CAMTA1: variants seen among roughly 807,000 people sequenced by gnomAD.
CAMTA1 encodes the protein calmodulin-binding transcription activator 1.
CAMTA1 carries 27 observed loss-of-function variants against 170.9 expected under a neutral mutation model. That is an observed-to-expected ratio of 0.16 (90% CI 0.12 to 0.22). The LOEUF (loss-of-function observed/expected upper bound fraction) is 0.22, where lower values mean the gene tolerates loss of function less well. CAMTA1 is among the 10% of genes least tolerant of loss of function. The pLI is 1.00. For synonymous variants in CAMTA1, 833 were observed against 891.5 expected, an observed-to-expected ratio of 0.93 and a Z score of 1.17; for missense variants, 1,619 against 2,217.2, an observed-to-expected ratio of 0.73 and a Z score of 5.42.
At chr1:7,227,461 G>A (rs1661921306) in intron 4 of CAMTA1, among the ~76,000 whole-genome samples, 1 of 152,128 alleles carries the variant, frequency 6.6e-6, no homozygotes, top group Non-Finnish European at 1.5e-5. Context: ...CTGAGTAGCT[G>A]GGATTACAGG....
At chr1:7,507,368 C>T (rs1049726759) in intron 6 of CAMTA1, among the ~76,000 whole-genome samples, 1 of 152,174 alleles carries the variant, frequency 6.6e-6, no homozygotes, top group African/African-American at 2.4e-5. Flanking sequence ...CGTCTCTGCA[C>T]AGGTGCCTGC....
intron 3 of CAMTA1, among the ~76,000 whole-genome samples, chr1:7,004,578 T>C (rs1331242412): frequency 6.6e-6 from 1 of 152,170 alleles, no homozygotes; most frequent in Non-Finnish European, 1.5e-5. Flanking sequence ...CAAAAAAGTC[T>C]ACTAAATGGA....
intron 3 of CAMTA1, among the ~76,000 whole-genome samples, chr1:6,928,724 GC>G (rs1683819304): frequency 6.6e-6 from 1 of 152,088 alleles, no homozygotes; most frequent in East Asian, 1.9e-4. Flanking sequence ...CCATTATCAG[GC>G]CCGTCCTTGG....
At chr1:7,683,863 C>T (rs907109533) in intron 11 of CAMTA1, among the ~76,000 whole-genome samples, 6 of 152,208 alleles carry the variant, frequency 3.9e-5, no homozygotes, top group South Asian at 2.1e-4. Context: ...TCCTCAGCAC[C>T]GCAGTGGGTG....
At chr1:7,281,642 G>A (rs1403016848) in intron 5 of CAMTA1, among the ~76,000 whole-genome samples, 4 of 152,182 alleles carry the variant, frequency 2.6e-5, no homozygotes, top group Non-Finnish European at 5.9e-5. Context: ...GCTTAATTTG[G>A]CATAAAAAGC....
chr1:6,827,034 A>T (rs1469184006), intron 3 of CAMTA1, among the ~76,000 whole-genome samples: 1 of 152,248 alleles, frequency 6.6e-6, no homozygotes, highest in Non-Finnish European at 1.5e-5. Flanking sequence ...AGATTAAAAG[A>T]AAAAAATGAG....
chr1:7,462,185 T>C (rs776191340), intron 5 of CAMTA1, among the ~76,000 whole-genome samples: 4 of 152,224 alleles, frequency 2.6e-5, no homozygotes, highest in Non-Finnish European at 5.9e-5. Context: ...TGGAGTGCAA[T>C]GGTGTGATCT....
chr1:6,815,826 G>C (rs537091362), intron 1 of CAMTA1, among the ~76,000 whole-genome samples: 2 of 152,310 alleles, frequency 1.3e-5, no homozygotes, highest in South Asian at 4.1e-4. Context: ...TTCTCCCTCA[G>C]ACCTGTGAAT....
intron 3 of CAMTA1, among the ~76,000 whole-genome samples, chr1:6,855,521 G>T (rs1423423524): frequency 1.3e-5 from 2 of 151,822 alleles, no homozygotes; most frequent in Non-Finnish European, 2.9e-5. Flanking sequence ...GATCTCCTGA[G>T]AACTCAATCA....
chr1:7,317,271 T>C (rs1677672030), intron 5 of CAMTA1, among the ~76,000 whole-genome samples: 2 of 152,184 alleles, frequency 1.3e-5, no homozygotes, highest in Admixed American at 1.3e-4. Flanking sequence ...TCCCCATCAC[T>C]TAGTCTGGGA....
intron 7 of CAMTA1, among the ~76,000 whole-genome samples, chr1:7,650,532 C>T (rs1010621290): frequency 2.6e-5 from 4 of 152,220 alleles, no homozygotes; most frequent in African/African-American, 9.6e-5. Context: ...CCCTCCACCC[C>T]CGCCTTTTCC....
chr1:7,435,928 C>T lies in CAMTA1; in HGVS notation c.439-31902C>T, dbSNP rs944318602. On this transcript the variant is annotated intron_variant, in intron 5 of 22. Transcript: ENST00000303635. The surrounding 1 kb of genome is among the most constrained non-coding windows in gnomAD (Gnocchi z 4.4). ...CCTGGGGAAGATACTGTCTTAGGTA[C>T]AAGAGGCACCTCAGGAGCAGAGGAG... Among the ~76,000 whole-genome samples the T allele has an allele frequency of 2.0e-4, 30 of 152,274 alleles. No homozygotes were observed. Among genetic ancestry groups the T allele is most frequent in the African/African-American group, 7.2e-4 (30 of 41,578 alleles).
At chr1:7,568,376 A>ACATCAC (rs1221659617) in intron 6 of CAMTA1, among the ~76,000 whole-genome samples, 3 of 146,330 alleles carry the variant, frequency 2.1e-5, no homozygotes, top group African/African-American at 7.7e-5. Flanking sequence ...TGTCATCACC[A>ACATCAC]CATCACCATC....
chr1:7,477,170 C>T (rs1203161578), intron 6 of CAMTA1, among the ~76,000 whole-genome samples: 2 of 152,148 alleles, frequency 1.3e-5, no homozygotes, highest in African/African-American at 2.4e-5. Context: ...CCAGAAGCTG[C>T]GGGCCAGGGA....
chr1:7,200,253 G>A (rs1021860537), intron 4 of CAMTA1, among the ~76,000 whole-genome samples: 4 of 152,134 alleles, frequency 2.6e-5, no homozygotes, highest in Non-Finnish European at 5.9e-5. Context: ...AAGACATGAA[G>A]CTTCTTACCT....
intron 6 of CAMTA1, among the ~76,000 whole-genome samples, chr1:7,639,775 A>G (rs946742000): frequency 2.0e-5 from 2 of 100,704 alleles, no homozygotes; most frequent in Middle Eastern, 4.7e-3. Context: ...TGTCTAAAGA[A>G]AAAAAAAAAA....
chr1:7,190,514 A>C (rs1654316939), intron 4 of CAMTA1, among the ~76,000 whole-genome samples: 1 of 152,228 alleles, frequency 6.6e-6, no homozygotes, highest in Non-Finnish European at 1.5e-5. Context: ...GCTCTGGAAA[A>C]ATAGGCAGAG....
At chr1:7,420,829 G>A (rs1053695441) in intron 5 of CAMTA1, among the ~76,000 whole-genome samples, 5 of 152,236 alleles carry the variant, frequency 3.3e-5, no homozygotes, top group African/African-American at 1.2e-4. Context: ...GGGGCAGAGG[G>A]GCCTCAGCTG....
chr1:7,270,244 T>TACACACACAC (rs57280188), intron 5 of CAMTA1, among the ~76,000 whole-genome samples: 5 of 127,234 alleles, frequency 3.9e-5, no homozygotes, highest in African/African-American at 1.6e-4. Context: ...CATATATACA[T>TACACACACAC]ACACACACAC....
Sources: allele counts gnomAD v4.1 joint callset (sites outside exome capture counted in the v4.1 genomes callset), GRCh38; gene constraint gnomAD v4.1.1; non-coding constraint Gnocchi (gnomAD v3.1); transcripts MANE v1.5; gene names NCBI Gene and HGNC (gene_info 2026-07-23, HGNC 2026-07-21).